The following GRIA3 variants were observed in gnomAD, a reference collection of about 807,000 sequenced individuals.
GRIA3 encodes glutamate ionotropic receptor AMPA type subunit 3.
In GRIA3, 3 loss-of-function variants were observed where a neutral mutation model predicts 63.0. That is an observed-to-expected ratio of 0.05 (90% CI 0.02 to 0.12). The LOEUF is 0.12. GRIA3 is among the 10% of genes least tolerant of loss of function. The pLI, the probability that GRIA3 is intolerant of heterozygous loss-of-function variation, is 1.00. For synonymous variants in GRIA3, 274 were observed against 257.9 expected, an observed-to-expected ratio of 1.06 and a Z score of -0.60; for missense variants, 347 against 700.9, an observed-to-expected ratio of 0.50 and a Z score of 5.70.
At chrX:123,260,646 T>C (rs2044454839) in intron 3 of GRIA3, among the ~76,000 whole-genome samples, 1 of 107,839 alleles carries the variant, frequency 9.3e-6, no homozygotes, top group African/African-American at 3.4e-5. Flanking sequence ...ATTCTGATTG[T>C]GTCCATTTGC....
At chrX:123,287,568 C>T (rs775465801) in intron 3 of GRIA3, among the ~76,000 whole-genome samples, 1 of 112,149 alleles carries the variant, frequency 8.9e-6, no homozygotes, top group East Asian at 2.8e-4. Flanking sequence ...TCAGCAAAGT[C>T]TCAGGATACA....
chrX:123,379,455 T>TA (rs2045307163), intron 5 of GRIA3, among the ~76,000 whole-genome samples: 1 of 110,079 alleles, frequency 9.1e-6, no homozygotes, highest in African/African-American at 3.3e-5. Context: ...CTTGCTCTCT[T>TA]CTCTCTTACC....
At chrX:123,244,379 C>T (rs2044346440) in intron 2 of GRIA3, among the ~76,000 whole-genome samples, 1 of 111,544 alleles carries the variant, frequency 9.0e-6, no homozygotes, top group Non-Finnish European at 1.9e-5. Context: ...CCACCATATC[C>T]ATCCTCTATC....
intron 2 of GRIA3, among the ~76,000 whole-genome samples, chrX:123,232,902 A>G (rs1315367282): frequency 1.8e-5 from 2 of 111,089 alleles, no homozygotes; most frequent in African/African-American, 3.3e-5. Context: ...TGAGCCTTTG[A>G]AAAATTAAAC....
intron 10 of GRIA3, among the ~76,000 whole-genome samples, chrX:123,407,800 T>C (rs2045484532): frequency 1.8e-5 from 2 of 108,167 alleles, no homozygotes; most frequent in Admixed American, 2.0e-4. Flanking sequence ...CATTACACTA[T>C]CTGCCCAACA....
intron 13 of GRIA3, among the ~76,000 whole-genome samples, chrX:123,475,986 T>C (rs1313170103): frequency 8.9e-6 from 1 of 111,890 alleles, no homozygotes; most frequent in Non-Finnish European, 1.9e-5. Flanking sequence ...AATTTCTTTT[T>C]GTATTAAATA....
intron 5 of GRIA3, among the ~76,000 whole-genome samples, chrX:123,359,172 A>C (rs1034277369): frequency 8.9e-6 from 1 of 112,149 alleles, no homozygotes; most frequent in Admixed American, 9.5e-5. Flanking sequence ...CTTTTAACTT[A>C]TTAGTTTTGA....
chrX:123,412,186 C>A (rs1238018326), intron 10 of GRIA3, among the ~76,000 whole-genome samples: 1 of 111,634 alleles, frequency 9.0e-6, no homozygotes, highest in Non-Finnish European at 1.9e-5. Flanking sequence ...CCCAGGAGAG[C>A]TCAATGGTTA....
chrX:123,387,905 C>T (rs1009825714), intron 5 of GRIA3, among the ~76,000 whole-genome samples: 2 of 111,435 alleles, frequency 1.8e-5, no homozygotes, highest in African/African-American at 3.3e-5. Flanking sequence ...GTTGTTGCAT[C>T]CTTGTCTGGT....
chrX:123,382,632 G>A (rs770344724), intron 5 of GRIA3, among the ~76,000 whole-genome samples: 1 of 111,319 alleles, frequency 9.0e-6, no homozygotes, highest in Non-Finnish European at 1.9e-5. Context: ...GGAGCAAGGG[G>A]TGGTAATTTT....
chrX:123,411,012 C>A (rs1353268722), intron 10 of GRIA3, among the ~76,000 whole-genome samples: 3 of 111,799 alleles, frequency 2.7e-5, no homozygotes, highest in African/African-American at 9.8e-5. Flanking sequence ...TTTAAATAAG[C>A]CTCATTCTTT....
intron 2 of GRIA3, among the ~76,000 whole-genome samples, chrX:123,240,202 A>G (rs1462101653): frequency 1.8e-5 from 2 of 112,173 alleles, no homozygotes; most frequent in Non-Finnish European, 3.8e-5. Context: ...TCAGATGGAC[A>G]TCTCAGCGTG....
At chrX:123,388,743 C>T (rs755514461) in intron 5 of GRIA3, among the ~76,000 whole-genome samples, 7 of 111,711 alleles carry the variant, frequency 6.3e-5, no homozygotes, top group Admixed American at 2.8e-4. Context: ...TTCATTATTG[C>T]TTTCCTTCTA....
chrX:123,467,592 A>G (rs1372353627), intron 13 of GRIA3, among the ~76,000 whole-genome samples: 1 of 111,931 alleles, frequency 8.9e-6, no homozygotes, highest in Non-Finnish European at 1.9e-5. Context: ...TGAGTTGCAG[A>G]ATGAAAATTG....
At chrX:123,200,991 C>T (rs1285914453) in intron 2 of GRIA3, among the ~76,000 whole-genome samples, 1 of 111,829 alleles carries the variant, frequency 8.9e-6, no homozygotes, top group Non-Finnish European at 1.9e-5. Flanking sequence ...GGGTGAGGAG[C>T]TTAACCCCTC....
chrX:123,305,794 A>G (rs1235240915), intron 3 of GRIA3, among the ~76,000 whole-genome samples: 1 of 112,465 alleles, frequency 8.9e-6, no homozygotes, highest in African/African-American at 3.2e-5. Context: ...ACAATTAAAT[A>G]CAAGTGAGTT....
intron 13 of GRIA3, among the ~76,000 whole-genome samples, chrX:123,472,700 G>T (rs148029697): frequency 0.017 from 1,846 of 111,275 alleles, 44 homozygotes; most frequent in African/African-American, 0.057. Context: ...GGAATCAAGG[G>T]GTCTACTGCT....
chrX:123,269,784 G>C (rs752938660), intron 3 of GRIA3, among the ~76,000 whole-genome samples: 230 of 111,919 alleles, frequency 2.1e-3, no homozygotes, highest in African/African-American at 7.3e-3. Flanking sequence ...TTTTGCTAAG[G>C]TTAGGCCCAT....
At chrX:123,316,849 T>C (rs1212360886) in intron 3 of GRIA3, among the ~76,000 whole-genome samples, 1 of 112,237 alleles carries the variant, frequency 8.9e-6, no homozygotes, top group Non-Finnish European at 1.9e-5. Context: ...AAAATTATAA[T>C]ACTATACTTT....
Sources: allele counts gnomAD v4.1 joint callset (sites outside exome capture counted in the v4.1 genomes callset), GRCh38; gene constraint gnomAD v4.1.1; transcripts MANE v1.5; gene names NCBI Gene and HGNC (gene_info 2026-07-23, HGNC 2026-07-21).